The following FNDC3B variants were observed in gnomAD, a reference collection of about 807,000 sequenced individuals.
The protein encoded by FNDC3B is fibronectin type III domain containing 3B.
FNDC3B carries 12 observed loss-of-function variants against 151.5 expected under a neutral mutation model. The ratio of observed to expected loss-of-function variants is 0.08; its 90% CI spans 0.05 to 0.13. FNDC3B has a LOEUF of 0.13. FNDC3B is among the 10% of genes least tolerant of loss of function. The pLI is 1.00. For synonymous variants in FNDC3B, 528 were observed against 549.0 expected (o/e 0.96, Z 0.54); for missense variants, 1,214 against 1,505.3 (o/e 0.81, Z 3.20).
chr3:172,136,761 C>G (rs1721388174), intron 3 of FNDC3B, among the ~76,000 whole-genome samples: 1 of 152,096 alleles, frequency 6.6e-6, no homozygotes, highest in African/African-American at 2.4e-5. Flanking sequence ...ACTCTGTCGC[C>G]CAGGCTGGAG....
At chr3:172,089,904 T>TGA (rs1718724525) in intron 1 of FNDC3B, among the ~76,000 whole-genome samples, 1 of 152,232 alleles carries the variant, frequency 6.6e-6, no homozygotes, top group African/African-American at 2.4e-5. Context: ...CTCAACTTTT[T>TGA]ACAACGTTAA....
At chr3:172,310,328 C>T (rs551498270) in intron 10 of FNDC3B, among the ~76,000 whole-genome samples, 2 of 152,208 alleles carry the variant, frequency 1.3e-5, no homozygotes, top group African/African-American at 4.8e-5. Flanking sequence ...CACATTTTTT[C>T]CCCATTTTTT....
chr3:172,339,595 A>C (rs1026839128), intron 16 of FNDC3B, among the ~76,000 whole-genome samples: 2 of 152,114 alleles, frequency 1.3e-5, no homozygotes, highest in East Asian at 3.9e-4. Flanking sequence ...CAAACAAACA[A>C]AAAACCTGGT....
rs143753477 is a variant in FNDC3B at position 172,065,062 on chromosome 3, G to A, written c.-29+25291G>A. Among the ~76,000 whole-genome samples, 555 of 152,296 alleles carry A rather than the reference G, an allele frequency of 3.6e-3. 3 individuals carry two copies. The highest frequency in any genetic ancestry group is 0.012 in the African/African-American group (518 of 41,556). On this transcript the variant is annotated intron_variant, in intron 1 of 25. Coordinates refer to ENST00000415807, the MANE Select transcript of FNDC3B (RefSeq NM_022763.4). ...AAAATTTCTGGTAGAGGCCTGGTGCGGTGGCTCACGCCTGTAATCCCAGCA... is the reference window on the plus strand; with the variant it reads ...AAAATTTCTGGTAGAGGCCTGGTGCAGTGGCTCACGCCTGTAATCCCAGCA...
intron 6 of FNDC3B, among the ~76,000 whole-genome samples, chr3:172,252,091 T>C (rs1014428020): frequency 1.3e-5 from 2 of 152,132 alleles, no homozygotes; most frequent in Admixed American, 6.5e-5. Context: ...CCACCACATA[T>C]AGGTAGAGAA....
chr3:172,140,935 G>GATGA (rs945747434), intron 3 of FNDC3B, among the ~76,000 whole-genome samples: 3 of 152,174 alleles, frequency 2.0e-5, no homozygotes, highest in Admixed American at 2.0e-4. Context: ...TCAGACTTAA[G>GATGA]ATGAATTGGT....
intron 1 of FNDC3B, among the ~76,000 whole-genome samples, chr3:172,059,913 T>C (rs1221445301): frequency 1.3e-5 from 2 of 152,350 alleles, no homozygotes; most frequent in Non-Finnish European, 2.9e-5. Flanking sequence ...ATTTCACTTA[T>C]TGAGAACTGT....
chr3:172,143,490 C>A (rs1401875046), intron 3 of FNDC3B, among the ~76,000 whole-genome samples: 3 of 151,986 alleles, frequency 2.0e-5, no homozygotes, highest in Non-Finnish European at 4.4e-5. Flanking sequence ...GTGTTATTAA[C>A]AAATATTTTA....
At chr3:172,226,396 A>C (rs1246617554) in intron 3 of FNDC3B, among the ~76,000 whole-genome samples, 1 of 152,198 alleles carries the variant, frequency 6.6e-6, no homozygotes, top group South Asian at 2.1e-4. Flanking sequence ...AAATTATGGC[A>C]TATTACAGTA....
At chr3:172,138,558 CATT>C (rs1460033024) in intron 3 of FNDC3B, among the ~76,000 whole-genome samples, 1 of 152,038 alleles carries the variant, frequency 6.6e-6, no homozygotes, top group African/African-American at 2.4e-5. Context: ...AATGACCCTA[CATT>C]ATTAATACTG....
At chr3:172,052,243 T>TG (rs1221993776) in intron 1 of FNDC3B, among the ~76,000 whole-genome samples, 2 of 91,294 alleles carry the variant, frequency 2.2e-5, no homozygotes, top group Non-Finnish European at 4.7e-5. Context: ...ATAATTTTTG[T>TG]GGGTTTTTTT....
intron 23 of FNDC3B, among the ~76,000 whole-genome samples, chr3:172,369,136 A>T (rs1438363222): frequency 6.6e-6 from 1 of 152,254 alleles, no homozygotes; most frequent in Non-Finnish European, 1.5e-5. Context: ...GAGGTGGCAA[A>T]TGAACTATTT....
intron 3 of FNDC3B, among the ~76,000 whole-genome samples, chr3:172,150,303 G>T (rs1722154190): frequency 6.6e-6 from 1 of 152,086 alleles, no homozygotes; most frequent in Non-Finnish European, 1.5e-5. Flanking sequence ...AAAAAAAATT[G>T]TAGATTTAAC....
At position 172,352,700 on chromosome 3, in the gene FNDC3B, GA is replaced by G. The variant is rs1733914624; in HGVS notation, c.2515-100del. 8.6e-7 allele frequency: 1 copy of G among 1,158,224 alleles called. No homozygotes were observed. Among genetic ancestry groups the G allele is most frequent in the Non-Finnish European group, 1.2e-6 (1 of 823,122 alleles). The allele number at this position is 1,158,224 out of a possible 1,614,324, so 71.7% of individuals were successfully genotyped here. ...GGATTTATTTCTACCTGCATATGTG[GA>G]AATGTGTACTACTTTAGATTTATTT... On this transcript the variant is annotated intron_variant, in intron 21 of 25. Coordinates refer to ENST00000415807, the MANE Select transcript of FNDC3B (RefSeq NM_022763.4). The surrounding 1 kb of genome is among the most constrained non-coding windows in gnomAD (Gnocchi z 4.2).
At chr3:172,308,251 G>A (rs776845131) in intron 10 of FNDC3B, among the ~76,000 whole-genome samples, 2 of 152,184 alleles carry the variant, frequency 1.3e-5, no homozygotes, top group African/African-American at 2.4e-5. Context: ...GCTAAAATTA[G>A]CTGTTACCAA....
intron 3 of FNDC3B, among the ~76,000 whole-genome samples, chr3:172,140,382 A>G (rs145211977): frequency 2.6e-5 from 4 of 152,330 alleles, no homozygotes; most frequent in African/African-American, 7.2e-5. Flanking sequence ...AAATTTGGAG[A>G]AAGATTGAAG....
In FNDC3B at chr3:172,401,657, T is replaced by G. The variant is rs1736578622; in HGVS notation, c.*4182T>G. 6.6e-6 allele frequency: 1 copy of G among 152,236 alleles called. No individual in the cohort carries two copies. The highest frequency in any genetic ancestry group is 6.5e-5 in the Admixed American group (1 of 15,282). 9.4% of individuals were successfully genotyped at this position (152,236 alleles called of 1,614,324 possible). On this transcript the variant is annotated 3_prime_UTR_variant, in exon 26 of 26. Transcript: ENST00000415807. The stretch of plus-strand genomic sequence containing the variant: ...ACAACAACAGCAATAAAACACAGTG[T>G]TCCTGCTATGGCCATGGTTTTGTGA...
At chr3:172,080,113 AGG>A (rs1189867303) in intron 1 of FNDC3B, among the ~76,000 whole-genome samples, 3 of 152,230 alleles carry the variant, frequency 2.0e-5, no homozygotes, top group Admixed American at 6.5e-5. Flanking sequence ...ATAAAAAAAA[AGG>A]GGTACTACCC....
intron 1 of FNDC3B, among the ~76,000 whole-genome samples, chr3:172,093,711 G>A (rs1290161363): frequency 6.6e-6 from 1 of 152,156 alleles, no homozygotes; most frequent in African/African-American, 2.4e-5. Flanking sequence ...AAATACACTG[G>A]TATAGCCTTT....
Sources: gnomAD v4.1 joint callset for allele counts (sites outside exome capture counted in the v4.1 genomes callset) on GRCh38, gnomAD v4.1.1 for gene constraint, Gnocchi (gnomAD v3.1) non-coding constraint, MANE v1.5 for transcripts, NCBI Gene and HGNC (gene_info 2026-07-23, HGNC 2026-07-21) for gene names.